Variants in NBPF10 observed in about 807,000 individuals in gnomAD.
The protein encoded by NBPF10 is NBPF member 10.
Under a neutral mutation model 77.9 loss-of-function variants are expected in NBPF10, and 63 were observed. The ratio of observed to expected loss-of-function variants is 0.81; its 90% CI spans 0.66 to 1.00. NBPF10 has a LOEUF of 1.00. Among genes scored for constraint, NBPF10 ranks in the 50% least tolerant of loss-of-function variants. The pLI, the probability that NBPF10 is intolerant of heterozygous loss-of-function variation, is 0.00. For missense variants in NBPF10, 522 were observed against 679.8 expected, an observed-to-expected ratio of 0.77 and a Z score of 2.58; for synonymous variants, 146 against 264.5, an observed-to-expected ratio of 0.55 and a Z score of 4.35.
intron 14 of NBPF10, among the ~76,000 whole-genome samples, chr1:146,125,846 A>C (rs1212228274): frequency 7.1e-4 from 107 of 150,678 alleles, no homozygotes; most frequent in Non-Finnish European, 1.4e-3. Context: ...TGCACTATTC[A>C]GCCCTGTCTC....
intron 13 of NBPF10, among the ~76,000 whole-genome samples, 171 bp from the exon 14 acceptor site, chr1:146,126,579 A>G (rs1465650791): frequency 7.1e-6 from 1 of 141,134 alleles, no homozygotes; most frequent in Admixed American, 7.7e-5. Flanking sequence ...GCCAGGTAGA[A>G]AAGGATGAAC....
At chr1:146,067,750 G>A (rs1403708678) in intron 88 of NBPF10, among the ~76,000 whole-genome samples, 1 of 150,888 alleles carries the variant, frequency 6.6e-6, no homozygotes, top group African/African-American at 2.4e-5. Flanking sequence ...ATCTGCCCAG[G>A]TCCAATGTCA....
chr1:146,136,512 A>T, intron 6 of NBPF10, 57 bp from the exon 7 acceptor site: 10 of 1,504,786 alleles, frequency 6.6e-6, no homozygotes, highest in Non-Finnish European at 8.3e-6. Flanking sequence ...TGCTGTGGTC[A>T]TTGCCTACAG....
chr1:146,126,337 G>T, exon 14 of NBPF10: 3 of 1,305,856 alleles, frequency 2.3e-6, no homozygotes, highest in South Asian at 1.2e-5. Context: ...ACCTGAAGGA[G>T]TTGAATAACA....
At chr1:146,067,943 A>G in intron 88 of NBPF10, 60 bp downstream of exon 88, 1 of 667,936 alleles carries the variant, frequency 1.5e-6, no homozygotes, top group Non-Finnish European at 2.7e-6. Context: ...TGGAATAGGA[A>G]TATCACCCCT....
At chr1:146,067,389 C>T (rs1553778081) in intron 88 of NBPF10, 101 bp from the exon 89 acceptor site, 11 of 361,318 alleles carry the variant, frequency 3.0e-5, no homozygotes. Context: ...GGCTCCTCAG[C>T]ATAAGAATAG....
chr1:146,120,159 C>T (rs369125492), intron 21 of NBPF10, 31 bp from the exon 22 acceptor site: 1 of 11,274 alleles, frequency 8.9e-5, no homozygotes. Context: ...AAAGAATAAG[C>T]CAGGGGGAAT....
In NBPF10 at chr1:146,142,633, C is replaced by T. The variant is rs782751620; in HGVS notation, c.278+17G>A. ...TACACACCTACCCGCCTGCCTCCCC[C>T]TATGGGGTCCCCTCACCTGAGCTCC... On this transcript the variant is annotated intron_variant, in intron 2 of 89. Transcript: ENST00000583866. 7.6e-7 allele frequency: 1 copy of T among 1,312,212 alleles called. No individual in the cohort carries two copies. The highest frequency in any genetic ancestry group is 1.3e-5 in the South Asian group (1 of 74,778). 81.3% of individuals were successfully genotyped at this position (1,312,212 alleles called of 1,614,324 possible).
At chr1:146,067,894 C>T (rs1427642609) in intron 88 of NBPF10, 109 bp downstream of exon 88, 3 of 700,262 alleles carry the variant, frequency 4.3e-6, no homozygotes, top group East Asian at 2.7e-5. Context: ...ATAGGTCCTG[C>T]CTGCGGCAAT....
At chr1:146,067,536 G>C (rs3929731) in intron 88 of NBPF10, among the ~76,000 whole-genome samples, 1 of 149,846 alleles carries the variant, frequency 6.7e-6, no homozygotes, top group African/African-American at 2.5e-5. Context: ...TCCCAAGTTT[G>C]TGCAAACAGT....
At chr1:146,143,098 G>C (rs1290987792) in intron 1 of NBPF10, among the ~76,000 whole-genome samples, 1 of 125,222 alleles carries the variant, frequency 8.0e-6, no homozygotes, top group Non-Finnish European at 1.9e-5. Context: ...CACTGCACTG[G>C]GGCATGAAGT....
At chr1:146,139,252 A>C (rs1470429119) in intron 5 of NBPF10, among the ~76,000 whole-genome samples, 4 of 142,130 alleles carry the variant, frequency 2.8e-5, no homozygotes, top group Admixed American at 7.0e-5. Flanking sequence ...GGCGCCCACC[A>C]CCACGCCCAG....
chr1:146,067,627 T>C (rs1185854156), intron 88 of NBPF10, among the ~76,000 whole-genome samples: 1 of 150,414 alleles, frequency 6.6e-6, no homozygotes, highest in Non-Finnish European at 1.5e-5. Flanking sequence ...TAGCCCTGTC[T>C]CATCAAATAC....
At chr1:146,066,959 A>T (rs1424862033) in intron 89 of NBPF10, among the ~76,000 whole-genome samples, 1 of 145,536 alleles carries the variant, frequency 6.9e-6, no homozygotes, top group Non-Finnish European at 1.5e-5. Flanking sequence ...CCATGAGAGT[A>T]CAGCTTTTGA....
exon 86 of NBPF10, chr1:146,069,669 C>T (rs782413658): frequency 1.2e-5 from 15 of 1,242,634 alleles, no homozygotes; most frequent in South Asian, 4.7e-5. Flanking sequence ...TCCAGTGAGT[C>T]CTGCAAGACT....
chr1:146,129,351 C>G (rs1351998738), intron 11 of NBPF10, among the ~76,000 whole-genome samples: 3 of 144,116 alleles, frequency 2.1e-5, no homozygotes, highest in Middle Eastern at 3.2e-3. Context: ...GATGCATGCA[C>G]AAGCTTCAGT....
Position 146,126,279 on chromosome 1 carries a change from G to T in NBPF10, c.1983C>A (p.Tyr661Ter). 1 of 1,606,906 alleles carries T rather than the reference G, an allele frequency of 6.2e-7. No homozygotes were observed. Among genetic ancestry groups the T allele is most frequent in the Non-Finnish European group, 8.5e-7 (1 of 1,175,672 alleles). ...AGCCAACACGCTGTTGCTCCAATAT[G>T]TAAAAGGCACTTCTGTAGGGCTGGC... Residue 661 changes from tyrosine to a stop codon, truncating the protein, a stop_gained, in exon 14 of 90, where the codon TAC becomes TAA. Coordinates refer to ENST00000583866, the Ensembl canonical transcript of NBPF10. LOFTEE classifies it high-confidence loss of function.
At chr1:146,067,872 C>T (rs1249577218) in intron 88 of NBPF10, 131 bp downstream of exon 88, 1 of 697,158 alleles carries the variant, frequency 1.4e-6, no homozygotes, top group Non-Finnish European at 2.6e-6. Flanking sequence ...TCATTACAAC[C>T]TATATGCGCC....
chr1:146,137,367 C>A (rs1371057185), intron 6 of NBPF10, among the ~76,000 whole-genome samples: 7 of 48,918 alleles, frequency 1.4e-4, no homozygotes, highest in African/African-American at 3.5e-4. Flanking sequence ...CTACTCTCTG[C>A]TTTTTATTCT....
Sources: gnomAD v4.1 joint callset for allele counts (sites outside exome capture counted in the v4.1 genomes callset) on GRCh38, gnomAD v4.1.1 for gene constraint, MANE v1.5 for transcripts, NCBI Gene and HGNC (gene_info 2026-07-23, HGNC 2026-07-21) for gene names.